The following CDC73 variants were observed in gnomAD, a reference collection of about 807,000 sequenced individuals.
CDC73 encodes parafibromin.
In CDC73, 21 loss-of-function variants were observed where a neutral mutation model predicts 83.7. The observed-to-expected ratio is 0.25, with a 90% confidence interval of 0.18 to 0.36. The LOEUF is 0.36. Among genes scored for constraint, CDC73 ranks in the 10% least tolerant of loss-of-function variants. CDC73 has a pLI of 1.00. For missense variants in CDC73, 342 were observed against 653.3 expected (o/e 0.52, Z 5.19); for synonymous variants, 224 against 212.9 (o/e 1.05, Z -0.45).
At chr1:193,180,878 T>A in intron 10 of CDC73, 1 of 1,613,936 alleles carries the variant, frequency 6.2e-7, no homozygotes. Flanking sequence ...AGTGTTTTAA[T>A]GGTCAAATTA....
At chr1:193,122,823 G>T (rs1242143642) in intron 1 of CDC73, among the ~76,000 whole-genome samples, 5 of 152,178 alleles carry the variant, frequency 3.3e-5, no homozygotes, top group Non-Finnish European at 7.4e-5. Context: ...TCCTGTAGAA[G>T]AGAAAAGGGA....
At chr1:193,212,035 C>T (rs1677288466) in intron 11 of CDC73, 30 bp from the exon 12 acceptor site, 1 of 1,538,338 alleles carries the variant, frequency 6.5e-7, no homozygotes, top group Non-Finnish European at 8.9e-7. Flanking sequence ...TTTTATGACA[C>T]AGAGTTGTGA....
chr1:193,186,875 C>G (rs1282516596), intron 10 of CDC73, among the ~76,000 whole-genome samples: 1 of 151,670 alleles, frequency 6.6e-6, no homozygotes, highest in African/African-American at 2.4e-5. Context: ...TAAGTACAGG[C>G]TTTCTAAGTG....
At chr1:193,232,180 T>C (rs1262769497) in intron 13 of CDC73, among the ~76,000 whole-genome samples, 1 of 152,142 alleles carries the variant, frequency 6.6e-6, no homozygotes, top group Non-Finnish European at 1.5e-5. Flanking sequence ...CTTTAAAATT[T>C]TCAAGGCTAC....
chr1:193,241,308 T>A (rs2102066405), intron 15 of CDC73, among the ~76,000 whole-genome samples: 1 of 152,266 alleles, frequency 6.6e-6, no homozygotes, highest in Admixed American at 6.5e-5. Context: ...TGGCTTAAGG[T>A]TTGCTTGTTA....
chr1:193,223,865 CTTTTT>C (rs1009532927), intron 13 of CDC73, among the ~76,000 whole-genome samples: 1 of 140,900 alleles, frequency 7.1e-6, no homozygotes, highest in African/African-American at 2.6e-5. Context: ...TTCTTTTTTC[CTTTTT>C]TTTTTTGTAT....
chr1:193,207,921 A>G lies in CDC73; in HGVS notation c.1030+4069A>G, dbSNP rs545976344. ...CCTCTTATCCCATAGTTTTAAATCT[A>G]TGTGCTGATGATTTCCAAATTTGTT... On this transcript the variant is annotated intron_variant, in intron 11 of 16. Coordinates refer to ENST00000367435, the MANE Select transcript of CDC73 (RefSeq NM_024529.5). Among the ~76,000 whole-genome samples, 4 of 152,340 alleles carry G rather than the reference A, an allele frequency of 2.6e-5. No individual in the cohort carries two copies. The East Asian group carries it at 5.8e-4, about 22-fold the overall frequency.
intron 13 of CDC73, among the ~76,000 whole-genome samples, chr1:193,221,560 A>G (rs1047162788): frequency 6.6e-6 from 1 of 152,248 alleles, no homozygotes; most frequent in Non-Finnish European, 1.5e-5. Context: ...GTTAAAAAAA[A>G]GAAATTGTCT....
chr1:193,141,632 A>G (rs1335177577), intron 6 of CDC73, among the ~76,000 whole-genome samples: 1 of 152,206 alleles, frequency 6.6e-6, no homozygotes, highest in African/African-American at 2.4e-5. Context: ...TGATACTTCT[A>G]AGAAATTACT....
chr1:193,200,752 A>ACATTC (rs1677078390), intron 10 of CDC73, among the ~76,000 whole-genome samples: 1 of 151,156 alleles, frequency 6.6e-6, no homozygotes, highest in Non-Finnish European at 1.5e-5. Context: ...GTTTCTTAAT[A>ACATTC]CATTCCGTGT....
chr1:193,144,576 A>G (rs1675962280), intron 7 of CDC73, among the ~76,000 whole-genome samples: 1 of 152,216 alleles, frequency 6.6e-6, no homozygotes, highest in Admixed American at 6.5e-5. Flanking sequence ...GCACTTAGCC[A>G]TTGTGTTCTT....
intron 15 of CDC73, among the ~76,000 whole-genome samples, chr1:193,239,175 A>G (rs1387045849): frequency 6.6e-6 from 1 of 152,100 alleles, no homozygotes; most frequent in Non-Finnish European, 1.5e-5. Flanking sequence ...ACCTTTTCCA[A>G]ATGGAATTGA....
intron 13 of CDC73, among the ~76,000 whole-genome samples, chr1:193,218,552 G>A (rs1263062500): frequency 6.6e-6 from 1 of 152,120 alleles, no homozygotes; most frequent in Non-Finnish European, 1.5e-5. Flanking sequence ...TGTAGTACTG[G>A]TACAAAAACA....
At chr1:193,177,338 C>T (rs1676623255) in intron 10 of CDC73, among the ~76,000 whole-genome samples, 1 of 123,080 alleles carries the variant, frequency 8.1e-6, no homozygotes, top group Admixed American at 9.5e-5. Context: ...CACGGTGAAA[C>T]CCCATCTCTA....
intron 10 of CDC73, among the ~76,000 whole-genome samples, chr1:193,182,982 G>T (rs1417421552): frequency 6.6e-6 from 1 of 151,926 alleles, no homozygotes; most frequent in Admixed American, 6.6e-5. Flanking sequence ...TGAAATTACA[G>T]TGTATGCATA....
At chr1:193,135,828 C>T (rs976617783) in intron 5 of CDC73, among the ~76,000 whole-genome samples, 1 of 150,370 alleles carries the variant, frequency 6.7e-6, no homozygotes, top group African/African-American at 2.4e-5. Flanking sequence ...TATGGATGAA[C>T]CTATTGGCTC....
chr1:193,146,360 C>A (rs1446397331), intron 7 of CDC73, among the ~76,000 whole-genome samples: 1 of 152,170 alleles, frequency 6.6e-6, no homozygotes, highest in Non-Finnish European at 1.5e-5. Context: ...CTGTGGATAT[C>A]ACAGACTGGG....
chr1:193,219,950 A>C (rs556625943), intron 13 of CDC73, among the ~76,000 whole-genome samples: 1 of 152,226 alleles, frequency 6.6e-6, no homozygotes, highest in East Asian at 1.9e-4. Flanking sequence ...ATAATAATCC[A>C]GAACAAAGCA....
At chr1:193,189,804 T>G (rs115809216) in intron 10 of CDC73, among the ~76,000 whole-genome samples, 1,863 of 152,362 alleles carry the variant, frequency 0.012, 19 homozygotes, top group South Asian at 0.034. Context: ...TTTGAATGAT[T>G]ATTACATGTT....
Sources: gnomAD v4.1 joint callset for allele counts (sites outside exome capture counted in the v4.1 genomes callset) on GRCh38, gnomAD v4.1.1 for gene constraint, MANE v1.5 for transcripts, NCBI Gene and HGNC (gene_info 2026-07-23, HGNC 2026-07-21) for gene names.